Variants in ADAM18 observed in about 807,000 individuals in gnomAD.
ADAM18 encodes the protein disintegrin and metalloproteinase domain-containing protein 18.
A neutral mutation model predicts 94.4 loss-of-function variants in ADAM18; 117 were observed. That is an observed-to-expected ratio of 1.24 (90% confidence interval 1.07 to 1.45). ADAM18 has a LOEUF of 1.45. Ranked by LOEUF, ADAM18 falls within the 40% of genes most tolerant of loss-of-function variation. The pLI is 0.00. For missense variants in ADAM18, 936 were observed against 880.0 expected, an observed-to-expected ratio of 1.06 and a Z score of -0.81; for synonymous variants, 327 against 291.6, an observed-to-expected ratio of 1.12 and a Z score of -1.24.
chr8:39,694,975 A>T (rs1331640024), intron 17 of ADAM18, among the ~76,000 whole-genome samples: 1 of 151,498 alleles, frequency 6.6e-6, no homozygotes, highest in Non-Finnish European at 1.5e-5. Flanking sequence ...CCTTTTCCAT[A>T]AACTCCTAGA....
intron 14 of ADAM18, among the ~76,000 whole-genome samples, chr8:39,673,112 G>A (rs1204771227): frequency 1.3e-5 from 2 of 152,108 alleles, no homozygotes; most frequent in African/African-American, 2.4e-5. Context: ...AGGGGTGGTT[G>A]GCTATATATT....
At position 39,705,271 on chromosome 8, in the gene ADAM18, C is replaced by T. The variant is rs142702266; in HGVS notation, c.1903-1519C>T. ...TTTTCTCTTTGAAAGCCAATTGTTA[C>T]GTAATCTCCAAAATATCACATTTTT... On this transcript the variant is annotated intron_variant, in intron 17 of 19. Transcript: ENST00000265707. 6.8e-3 allele frequency among the ~76,000 whole-genome samples: 1,030 copies of T among 152,174 alleles called. 8 individuals are homozygous for T. The highest frequency in any genetic ancestry group is 0.012 in the Admixed American group (187 of 15,262).
At position 39,626,137 on chromosome 8, in the gene ADAM18, C is replaced by G. The variant is rs374768433; in HGVS notation, c.523-3237C>G. ...GATTTCTATTTCATCTTGATTCAAG[C>G]TAGTAGGGTTGTGTGTTTCCAGGAA... On this transcript the variant is annotated intron_variant, in intron 6 of 19. Transcript: ENST00000265707. Among the ~76,000 whole-genome samples, 14 of 152,228 alleles carry G rather than the reference C, an allele frequency of 9.2e-5. 1 individual carries two copies. The highest frequency in any genetic ancestry group is 3.4e-4 in the African/African-American group (14 of 41,540).
chr8:39,597,370 TCTC>T (rs1196165121), intron 2 of ADAM18, among the ~76,000 whole-genome samples: 1 of 152,190 alleles, frequency 6.6e-6, no homozygotes, highest in Non-Finnish European at 1.5e-5. Context: ...ACCTAGATTT[TCTC>T]CTGTGTTCTC....
intron 15 of ADAM18, among the ~76,000 whole-genome samples, chr8:39,679,751 C>T (rs747200956): frequency 5.9e-5 from 9 of 152,034 alleles, no homozygotes; most frequent in Non-Finnish European, 1.0e-4. Context: ...TCCCAGAGTG[C>T]GGTAAAATAT....
intron 16 of ADAM18, among the ~76,000 whole-genome samples, chr8:39,684,280 A>T (rs1821549435): frequency 6.6e-6 from 1 of 150,386 alleles, no homozygotes; most frequent in Non-Finnish European, 1.5e-5. Flanking sequence ...CCAATCTTTT[A>T]TTTATTTATT....
chr8:39,637,427 T>C, intron 8 of ADAM18, 92 bp downstream of exon 8: 1 of 1,405,424 alleles, frequency 7.1e-7, no homozygotes, highest in Non-Finnish European at 9.7e-7. Context: ...CTTAAATACT[T>C]TTTATTAGTT....
chr8:39,659,803 A>C (rs1585950214), intron 12 of ADAM18, among the ~76,000 whole-genome samples: 1 of 152,166 alleles, frequency 6.6e-6, no homozygotes, highest in Non-Finnish European at 1.5e-5. Context: ...TTATTTTAAA[A>C]ATCAGTCATG....
chr8:39,705,702 T>C (rs1355228951), intron 17 of ADAM18, among the ~76,000 whole-genome samples: 3 of 152,198 alleles, frequency 2.0e-5, no homozygotes, highest in Non-Finnish European at 4.4e-5. Flanking sequence ...TGAAATCTCT[T>C]TTGATATGTA....
At chr8:39,597,894 A>T (rs986333052) in intron 2 of ADAM18, among the ~76,000 whole-genome samples, 2 of 152,220 alleles carry the variant, frequency 1.3e-5, no homozygotes. Context: ...TCTTAATGAT[A>T]TTTAGTGTTG....
At position 39,587,083 on chromosome 8, in the gene ADAM18, A is replaced by G. The variant is rs577413800; in HGVS notation, c.132+1731A>G. ...AACTTTATTGAGTTATAATTGATAT[A>G]AAAATTGCACATATCTAACGTAGAC... On this transcript the variant is annotated intron_variant, in intron 2 of 19. Coordinates refer to ENST00000265707, the MANE Select transcript of ADAM18 (RefSeq NM_014237.3). Among the ~76,000 whole-genome samples the G allele has an allele frequency of 5.1e-3, 776 of 152,340 alleles. 5 individuals carry two copies. The highest frequency in any genetic ancestry group is 6.2e-3 in the Non-Finnish European group (422 of 68,022).
intron 16 of ADAM18, 86 bp from the exon 17 acceptor site, chr8:39,692,514 C>T: frequency 1.5e-6 from 1 of 673,128 alleles, no homozygotes; most frequent in Non-Finnish European, 2.4e-6. Context: ...TTAAGCATCT[C>T]TTATACATAT....
At chr8:39,667,337 A>C (rs993468055) in intron 13 of ADAM18, among the ~76,000 whole-genome samples, 1 of 150,234 alleles carries the variant, frequency 6.7e-6, no homozygotes, top group Non-Finnish European at 1.5e-5. Flanking sequence ...GGGGGATGGC[A>C]GTTGAAGTGA....
At chr8:39,673,598 G>C (rs1195427687) in intron 14 of ADAM18, among the ~76,000 whole-genome samples, 2 of 151,798 alleles carry the variant, frequency 1.3e-5, no homozygotes, top group Non-Finnish European at 2.9e-5. Context: ...ATAGTTGGCT[G>C]AGAATGATGG....
At chr8:39,715,130 C>A (rs888711108) in intron 18 of ADAM18, among the ~76,000 whole-genome samples, 1 of 151,972 alleles carries the variant, frequency 6.6e-6, no homozygotes, top group African/African-American at 2.4e-5. Flanking sequence ...TATGTATGTT[C>A]TGAGACCAAA....
chr8:39,610,540 A>G lies in ADAM18; in HGVS notation c.356A>G (p.Gln119Arg). ...SICSGLRGFL[Q>R]FENISYGIEP... is the part of the protein sequence containing the mutation. ...TTCTAAATTTTCAGGGGATTTCTCC[A>G]GTTTGAAAATATCAGTTATGGAATT... The change falls in exon 6 of 20, where the codon CAG becomes CGG. Residue 119 changes from glutamine (Q) to arginine (R), a missense_variant. Coordinates refer to ENST00000265707, the MANE Select transcript of ADAM18 (RefSeq NM_014237.3). 1 of 1,603,170 alleles carries G rather than the reference A, an allele frequency of 6.2e-7. No individual in the cohort carries two copies. The highest frequency in any genetic ancestry group is 8.5e-7 in the Non-Finnish European group (1 of 1,174,058).
intron 6 of ADAM18, among the ~76,000 whole-genome samples, chr8:39,619,981 G>A (rs1008510364): frequency 5.9e-5 from 9 of 152,040 alleles, no homozygotes; most frequent in African/African-American, 1.9e-4. Context: ...TATAGTAACT[G>A]AAACAGCATG....
intron 6 of ADAM18, among the ~76,000 whole-genome samples, chr8:39,616,392 A>G (rs1563276656): frequency 6.6e-6 from 1 of 152,232 alleles, no homozygotes; most frequent in African/African-American, 2.4e-5. Context: ...CTTGGGTGAC[A>G]GAACAAGACT....
At chr8:39,665,611 T>C (rs1820975344) in intron 13 of ADAM18, among the ~76,000 whole-genome samples, 1 of 152,226 alleles carries the variant, frequency 6.6e-6, no homozygotes, top group African/African-American at 2.4e-5. Context: ...ACACTAAAAC[T>C]ATAAAATATA....
Sources: allele counts gnomAD v4.1 joint callset (sites outside exome capture counted in the v4.1 genomes callset), GRCh38; gene constraint gnomAD v4.1.1; transcripts MANE v1.5; gene names NCBI Gene and HGNC (gene_info 2026-07-23, HGNC 2026-07-21).